MYO6: variants seen among roughly 807,000 people sequenced by gnomAD.
MYO6 encodes myosin VI.
Under a neutral mutation model 178.7 loss-of-function variants are expected in MYO6, and 74 were observed. The observed-to-expected ratio is 0.41, with a 90% CI of 0.34 to 0.50. The LOEUF (loss-of-function observed/expected upper bound fraction) is 0.50. Among genes scored for constraint, MYO6 ranks in the 20% least tolerant of loss-of-function variants. The pLI, the probability that MYO6 is intolerant of heterozygous loss-of-function variation, is 0.09. For missense variants in MYO6, 1,330 were observed against 1,547.4 expected (o/e 0.86, Z 2.36); for synonymous variants, 477 against 504.6 (o/e 0.95, Z 0.73).
chr6:75,905,523 A>G (rs777977694), intron 30 of MYO6, among the ~76,000 whole-genome samples: 5 of 152,102 alleles, frequency 3.3e-5, no homozygotes, highest in Non-Finnish European at 5.9e-5. Flanking sequence ...AGGAAAGGGA[A>G]CTCCCTGACC....
intron 30 of MYO6, among the ~76,000 whole-genome samples, chr6:75,905,328 C>T (rs1487954463): frequency 1.3e-5 from 2 of 152,256 alleles, no homozygotes; most frequent in African/African-American, 4.8e-5. Flanking sequence ...AGCCTCACTG[C>T]CGCCTTGCAG....
intron 30 of MYO6, among the ~76,000 whole-genome samples, chr6:75,898,786 C>T (rs1199293168): frequency 6.6e-6 from 1 of 152,120 alleles, no homozygotes; most frequent in African/African-American, 2.4e-5. Flanking sequence ...AATTTGGGCA[C>T]CACTGTGCGT....
At position 75,762,378 on chromosome 6, in the gene MYO6, A is replaced by C. The variant is rs79761886; in HGVS notation, c.-48+12955A>C. On this transcript the variant is annotated intron_variant, in intron 1 of 34. Transcript: ENST00000369977. The stretch of plus-strand genomic sequence containing the variant: ...TTTATAGCTGAGAGAGCTGAGGTCT[A>C]AGTAACTTGAGAAGGTGATAGATGT... Among the ~76,000 whole-genome samples the C allele has an allele frequency of 5.1e-3, 775 of 152,320 alleles. 5 individuals carry two copies. The highest frequency in any genetic ancestry group is 0.017 in the African/African-American group (700 of 41,576).
intron 11 of MYO6, among the ~76,000 whole-genome samples, chr6:75,854,709 G>A (rs1775588133): frequency 6.6e-6 from 1 of 152,066 alleles, no homozygotes; most frequent in East Asian, 1.9e-4. Flanking sequence ...AGACAGATAT[G>A]TACATCCAAA....
At chr6:75,855,330 T>C in intron 12 of MYO6, 47 bp downstream of exon 12, 3 of 1,590,254 alleles carry the variant, frequency 1.9e-6, no homozygotes, top group Non-Finnish European at 2.6e-6. Flanking sequence ...CCTTGCAGTT[T>C]GTCAAGGAAA....
At chr6:75,895,298 T>C in intron 29 of MYO6, 38 bp downstream of exon 29, 1 of 1,545,934 alleles carries the variant, frequency 6.5e-7, no homozygotes, top group Non-Finnish European at 8.9e-7. Context: ...AAATAGGTTG[T>C]AGATACTTTT....
intron 3 of MYO6, 110 bp from the exon 4 acceptor site, chr6:75,828,430 C>G: frequency 1.4e-6 from 1 of 721,506 alleles, no homozygotes; most frequent in Non-Finnish European, 2.5e-6. Flanking sequence ...TTAAATGTAA[C>G]CTAACAATTG....
chr6:75,885,741 C>T (rs954448734), intron 23 of MYO6, among the ~76,000 whole-genome samples: 2 of 152,116 alleles, frequency 1.3e-5, no homozygotes, highest in South Asian at 2.1e-4. Flanking sequence ...CCACCGCGCC[C>T]GGCCGAGAAT....
chr6:75,858,014 G>A (rs1200737901), intron 13 of MYO6, among the ~76,000 whole-genome samples: 3 of 152,022 alleles, frequency 2.0e-5, no homozygotes, highest in East Asian at 1.9e-4. Flanking sequence ...GATGTAATAC[G>A]TATTTTAAAC....
intron 1 of MYO6, among the ~76,000 whole-genome samples, chr6:75,816,664 C>T (rs942860497): frequency 5.9e-5 from 9 of 152,324 alleles, no homozygotes; most frequent in South Asian, 2.1e-4. Context: ...GGATGAGCTT[C>T]GGGAGCACAT....
intron 9 of MYO6, among the ~76,000 whole-genome samples, chr6:75,843,218 C>G (rs1774413920): frequency 6.6e-6 from 1 of 152,086 alleles, no homozygotes; most frequent in Non-Finnish European, 1.5e-5. Flanking sequence ...AAAGGGGAAA[C>G]CTGCAGTAGG....
chr6:75,854,275 C>CTTTTTT lies in MYO6; in HGVS notation c.1079-837_1079-832dup, dbSNP rs61398235. The stretch of plus-strand genomic sequence containing the variant: ...CATGGGTCAAGACCTAACTGCATTG[C>CTTTTTT]TTTTTTTTTTTTTTTTTTTTTTTTT... On this transcript the variant is annotated intron_variant, in intron 11 of 34. Transcript: ENST00000369977. Among the ~76,000 whole-genome samples, 115 of 45,494 alleles carry CTTTTTT rather than the reference C, an allele frequency of 2.5e-3. 9 individuals are homozygous for CTTTTTT. Among genetic ancestry groups the CTTTTTT allele is most frequent in the African/African-American group, 7.7e-3 (70 of 9,096 alleles). 29.8% of individuals were successfully genotyped at this position (45,494 alleles called of 152,430 possible). A position where few individuals can be genotyped will look rare whatever the true frequency, so the allele number is the denominator to read the frequency against.
rs369165121 is a variant in MYO6 at position 75,855,169 on chromosome 6, A to G, written c.1109A>G (p.Gln370Arg). ...TGTAATCTGAAGAATAAATCTGCTC[A>G]GTCTTTGGAATATTGTGCTGAATTA... ...GGCNLKNKSAQSLEYCAELLG... is the reference protein window; with the variant it reads ...GGCNLKNKSARSLEYCAELLG... The change falls in exon 12 of 35, where the codon CAG becomes CGG. Residue 370 changes from glutamine to arginine, a missense_variant. By Grantham distance (43) the Gln-to-Arg change is conservative. This residue lies in a region of MYO6 where 613 missense variants were observed against 816.8 expected (regional missense o/e 0.75). Coordinates refer to ENST00000369977, the MANE Select transcript of MYO6 (RefSeq NM_004999.4). 1.9e-6 allele frequency: 3 copies of G among 1,612,074 alleles called. No individual in the cohort carries two copies. Among genetic ancestry groups the G allele is most frequent in the Non-Finnish European group, 2.5e-6 (3 of 1,178,398 alleles).
At chr6:75,909,522 G>A (rs1483071587) in intron 32 of MYO6, among the ~76,000 whole-genome samples, 1 of 152,120 alleles carries the variant, frequency 6.6e-6, no homozygotes, top group African/African-American at 2.4e-5. Flanking sequence ...TTGTTACTTT[G>A]TTATGCAAAA....
At chr6:75,898,829 C>G (rs958192311) in intron 30 of MYO6, among the ~76,000 whole-genome samples, 7 of 152,154 alleles carry the variant, frequency 4.6e-5, no homozygotes, top group African/African-American at 1.7e-4. Flanking sequence ...GAACATGACT[C>G]TTGAGGGGCT....
At chr6:75,805,002 C>CACACATATATAT (rs1554199386) in intron 1 of MYO6, among the ~76,000 whole-genome samples, 20 of 63,964 alleles carry the variant, frequency 3.1e-4, no homozygotes, top group African/African-American at 1.4e-3. Flanking sequence ...TACACACACA[C>CACACATATATAT]ATATATATAT....
At chr6:75,907,426 T>A (rs552998877) in intron 30 of MYO6, among the ~76,000 whole-genome samples, 179 bp from the exon 31 acceptor site, 41 of 152,342 alleles carry the variant, frequency 2.7e-4, no homozygotes, top group African/African-American at 7.5e-4. Context: ...TGGAAATTTT[T>A]AATTTATTTG....
intron 5 of MYO6, 80 bp downstream of exon 5, chr6:75,830,625 A>T: frequency 7.6e-7 from 1 of 1,319,810 alleles, no homozygotes; most frequent in Non-Finnish European, 1.1e-6. Flanking sequence ...TTGGATTAAT[A>T]AAAGATACCA....
chr6:75,770,337 T>G (rs1765745771), intron 1 of MYO6, among the ~76,000 whole-genome samples: 2 of 152,192 alleles, frequency 1.3e-5, no homozygotes, highest in Admixed American at 6.5e-5. Flanking sequence ...ACAGAGAGAT[T>G]GTTATAAAGA....
Sources: allele counts gnomAD v4.1 joint callset (sites outside exome capture counted in the v4.1 genomes callset), GRCh38; gene constraint gnomAD v4.1.1; regional missense constraint gnomAD v4.1.1; transcripts MANE v1.5; gene names NCBI Gene and HGNC (gene_info 2026-07-23, HGNC 2026-07-21).